The following SUMO2 variants were observed in gnomAD, a reference collection of about 807,000 sequenced individuals.
The protein encoded by SUMO2 is small ubiquitin like modifier 2.
A neutral mutation model predicts 16.0 loss-of-function variants in SUMO2; 1 was observed. That is an observed-to-expected ratio of 0.06 (90% CI 0.02 to 0.30). The LOEUF is 0.30. Among genes scored for constraint, SUMO2 ranks in the 10% least tolerant of loss-of-function variants. SUMO2 has a pLI of 1.00. For synonymous variants in SUMO2, 36 were observed against 40.6 expected (o/e 0.89, Z 0.43); for missense variants, 16 against 117.5 (o/e 0.14, Z 3.99).
chr17:75,173,875 G>A (rs975502356), intron 3 of SUMO2, among the ~76,000 whole-genome samples: 6 of 152,134 alleles, frequency 3.9e-5, no homozygotes, highest in African/African-American at 1.4e-4. Flanking sequence ...AGACAATCCA[G>A]CTGATCCTAC....
intron 2 of SUMO2, among the ~76,000 whole-genome samples, chr17:75,177,747 G>T (rs1329149094): frequency 6.6e-6 from 1 of 151,896 alleles, no homozygotes; most frequent in African/African-American, 2.4e-5. Flanking sequence ...CACTTTGGGA[G>T]GCCGAGGTGG....
chr17:75,171,364 A>T (rs368146840), intron 3 of SUMO2, among the ~76,000 whole-genome samples: 14 of 151,722 alleles, frequency 9.2e-5, no homozygotes, highest in Non-Finnish European at 7.4e-5. Flanking sequence ...TAAAAACAAA[A>T]TTAGCCAGGC....
At chr17:75,178,569 CTGTT>C (rs996702583) in intron 2 of SUMO2, among the ~76,000 whole-genome samples, 15 of 151,434 alleles carry the variant, frequency 9.9e-5, no homozygotes, top group East Asian at 1.9e-4. Flanking sequence ...AAGCATGATT[CTGTT>C]TGTTTGTGGT....
chr17:75,168,060 C>T lies in SUMO2; in HGVS notation c.*279G>A. 1 of 274,518 alleles carries T rather than the reference C, an allele frequency of 3.6e-6. No homozygotes were observed. Among genetic ancestry groups the T allele is most frequent in the Non-Finnish European group, 6.7e-6 (1 of 149,566 alleles). The allele number at this position is 274,518 out of a possible 1,614,324, so 17.0% of individuals were successfully genotyped here. A position where few individuals can be genotyped will look rare whatever the true frequency, so the allele number is the denominator to read the frequency against. On this transcript the variant is annotated 3_prime_UTR_variant, in exon 4 of 4. Coordinates refer to ENST00000420826, the MANE Select transcript of SUMO2 (RefSeq NM_006937.4). Reference sequence around the variant, plus strand: ...CACTAATGGAGAAAGGGGGTATTTTCACAGAATCAGTATTTTTCCCCATCC... The same window carrying T: ...CACTAATGGAGAAAGGGGGTATTTTTACAGAATCAGTATTTTTCCCCATCC...
chr17:75,182,493 C>A (rs1250006520), intron 1 of SUMO2: 1 of 215,344 alleles, frequency 4.6e-6, no homozygotes, highest in Non-Finnish European at 9.1e-6. Flanking sequence ...CCCCTCCTCA[C>A]GCGCGCCGGC....
intron 2 of SUMO2, among the ~76,000 whole-genome samples, chr17:75,177,801 T>C (rs1291537621): frequency 6.7e-6 from 1 of 150,332 alleles, no homozygotes; most frequent in Non-Finnish European, 1.5e-5. Flanking sequence ...AAGACCAGCC[T>C]GGCCAACGTG....
At chr17:75,181,637 TAA>T (rs958717030) in intron 1 of SUMO2, among the ~76,000 whole-genome samples, 5 of 152,048 alleles carry the variant, frequency 3.3e-5, no homozygotes, top group Non-Finnish European at 5.9e-5. Context: ...CCGTTGTCAT[TAA>T]AAAGTTACCA....
At chr17:75,171,160 G>A (rs948345044) in intron 3 of SUMO2, among the ~76,000 whole-genome samples, 9 of 150,864 alleles carry the variant, frequency 6.0e-5, no homozygotes, top group African/African-American at 1.9e-4. Context: ...ATGGAGTTTC[G>A]CTGTTGTTGC....
chr17:75,177,765 G>C (rs2074793908), intron 2 of SUMO2, among the ~76,000 whole-genome samples: 1 of 151,256 alleles, frequency 6.6e-6, no homozygotes, highest in African/African-American at 2.4e-5. Flanking sequence ...TGGCGAGACG[G>C]GTGGGTCACC....
At chr17:75,172,702 C>CA (rs2074751069) in intron 3 of SUMO2, among the ~76,000 whole-genome samples, 1 of 151,640 alleles carries the variant, frequency 6.6e-6, no homozygotes, top group African/African-American at 2.4e-5. Context: ...CTCAAACTCC[C>CA]AACCTCAGGT....
chr17:75,176,985 C>T (rs975658800), intron 2 of SUMO2, among the ~76,000 whole-genome samples: 1 of 151,298 alleles, frequency 6.6e-6, no homozygotes, highest in Non-Finnish European at 1.5e-5. Flanking sequence ...GAGTTCGAGA[C>T]CAGCCTGTCC....
chr17:75,166,956 A>G lies in SUMO2; in HGVS notation c.*1383T>C, dbSNP rs900240115. ...CCTAAGAAACAAAAATTAAAATAAT[A>G]AAGACTGTAGTGACCTGTATATTTA... is the stretch of plus-strand genomic sequence containing the variant. On this transcript the variant is annotated 3_prime_UTR_variant, in exon 4 of 4. Coordinates refer to ENST00000420826, the MANE Select transcript of SUMO2 (RefSeq NM_006937.4). The G allele has an allele frequency of 6.6e-6, 1 of 151,846 alleles. No homozygotes were observed. The highest frequency in any genetic ancestry group is 6.6e-5 in the Admixed American group (1 of 15,152). 9.4% of individuals were successfully genotyped at this position (151,846 alleles called of 1,614,324 possible).
At chr17:75,180,741 A>G (rs1051981876) in intron 2 of SUMO2, among the ~76,000 whole-genome samples, 4 of 152,072 alleles carry the variant, frequency 2.6e-5, no homozygotes, top group African/African-American at 7.2e-5. Flanking sequence ...TAAAAGACTT[A>G]TAAGTAATTT....
At position 75,165,606 on chromosome 17, in the gene SUMO2, T is replaced by C. The variant is rs952933614; in HGVS notation, c.*2733A>G. Reference sequence around the variant, plus strand: ...CATGGTGACTTGATGGTAGATTATATTGGTAGGTTGACAATCAGTATGGAC... The same window carrying C: ...CATGGTGACTTGATGGTAGATTATACTGGTAGGTTGACAATCAGTATGGAC... On this transcript the variant is annotated 3_prime_UTR_variant, in exon 4 of 4. Coordinates refer to ENST00000420826, the MANE Select transcript of SUMO2 (RefSeq NM_006937.4). The C allele has an allele frequency of 1.3e-5, 2 of 152,170 alleles. No individual in the cohort carries two copies. The highest frequency in any genetic ancestry group is 4.8e-5 in the African/African-American group (2 of 41,446). 9.4% of individuals were successfully genotyped at this position (152,170 alleles called of 1,614,324 possible).
At chr17:75,181,028 C>G in intron 2 of SUMO2, 29 bp downstream of exon 2, 1 of 1,610,284 alleles carries the variant, frequency 6.2e-7, no homozygotes, top group Non-Finnish European at 8.5e-7. Context: ...TAGTTTTATT[C>G]AGTGGAAGTA....
chr17:75,169,917 G>A (rs146345464), intron 3 of SUMO2, among the ~76,000 whole-genome samples: 10,238 of 151,202 alleles, frequency 0.068, 476 homozygotes, highest in Middle Eastern at 0.11. Context: ...CACTTTGGGA[G>A]GCCGAGGCAG....
chr17:75,172,422 T>C (rs2074748506), intron 3 of SUMO2, among the ~76,000 whole-genome samples: 1 of 149,194 alleles, frequency 6.7e-6, no homozygotes, highest in East Asian at 2.0e-4. Context: ...CGGGTTCAGG[T>C]GATTCTCCTG....
In SUMO2 at chr17:75,177,829, C is replaced by T. The variant is rs932606185; in HGVS notation, c.154-3006G>A. On this transcript the variant is annotated intron_variant, in intron 2 of 3. Coordinates refer to ENST00000420826, the MANE Select transcript of SUMO2 (RefSeq NM_006937.4). ...CCAACGTGGTAAAACCCCGTTTCTACGAAAAATAAATTAGCCGAGCACGGT... is the reference window on the plus strand; with the variant it reads ...CCAACGTGGTAAAACCCCGTTTCTATGAAAAATAAATTAGCCGAGCACGGT... 2.1e-3 allele frequency among the ~76,000 whole-genome samples: 11 copies of T among 5,158 alleles called. No homozygotes were observed. The East Asian group carries it at 0.21, about 100-fold the overall frequency. The allele number at this position is 5,158 out of a possible 152,430, so 3.4% of individuals were successfully genotyped here. A position where few individuals can be genotyped will look rare whatever the true frequency, so the allele number is the denominator to read the frequency against.
chr17:75,181,206 A>G lies in SUMO2; in HGVS notation c.22-18T>C. On this transcript the variant is annotated intron_variant, in intron 1 of 3. Coordinates refer to ENST00000420826, the MANE Select transcript of SUMO2 (RefSeq NM_006937.4). The stretch of plus-strand genomic sequence containing the variant: ...ACTCCTTCCTGTTAAAAGAAAAATA[A>G]AAGTATAATTTGGGAAATGTGATCA... The G allele has an allele frequency of 6.2e-7, 1 of 1,611,176 alleles. No individual in the cohort carries two copies. Among genetic ancestry groups the G allele is most frequent in the Non-Finnish European group, 8.5e-7 (1 of 1,178,966 alleles).
Sources: gnomAD v4.1 joint callset for allele counts (sites outside exome capture counted in the v4.1 genomes callset) on GRCh38, gnomAD v4.1.1 for gene constraint, MANE v1.5 for transcripts, NCBI Gene and HGNC (gene_info 2026-07-23, HGNC 2026-07-21) for gene names.